NRXN3: variants seen among roughly 807,000 people sequenced by gnomAD.
The protein encoded by NRXN3 is neurexin III.
A neutral mutation model predicts 137.6 loss-of-function variants in NRXN3; 32 were observed. The ratio of observed to expected loss-of-function variants is 0.23; its 90% CI spans 0.18 to 0.31. The LOEUF (loss-of-function observed/expected upper bound fraction) is 0.31, where lower values mean the gene tolerates loss of function less well. NRXN3 is among the 10% of genes least tolerant of loss of function. NRXN3 has a pLI of 1.00. For missense variants in NRXN3, 1,574 were observed against 2,062.5 expected (o/e 0.76, Z 4.59); for synonymous variants, 798 against 784.5 (o/e 1.02, Z -0.29).
Position 78,314,887 on chromosome 14 carries a change from T to TTC in NRXN3, c.757+17029_757+17030dup, listed in dbSNP as rs1441781280. On this transcript the variant is annotated intron_variant, in intron 4 of 20. Transcript: ENST00000335750. ...TGTATTTTTCTTTTCCGTTCTTTCT[T>TTC]TCTTTCTCTTTCTTTCTTTCTTTCT... Among the ~76,000 whole-genome samples the TTC allele has an allele frequency of 2.3e-3, 205 of 89,684 alleles. 2 individuals carry two copies. Among genetic ancestry groups the TTC allele is most frequent in the African/African-American group, 9.5e-3 (194 of 20,416 alleles). 58.8% of individuals were successfully genotyped at this position (89,684 alleles called of 152,430 possible). A position where few individuals can be genotyped will look rare whatever the true frequency, so the allele number is the denominator to read the frequency against.
chr14:78,510,926 T>G (rs1024471475), intron 4 of NRXN3, among the ~76,000 whole-genome samples: 2 of 152,184 alleles, frequency 1.3e-5, no homozygotes, highest in Non-Finnish European at 2.9e-5. Context: ...TTGTATGTGT[T>G]TGAATTCTTT....
intron 10 of NRXN3, among the ~76,000 whole-genome samples, chr14:78,900,132 T>C (rs2099190732): frequency 6.6e-6 from 1 of 152,054 alleles, no homozygotes; most frequent in Non-Finnish European, 1.5e-5. Context: ...TCTATGCCCA[T>C]TTCCATTTTT....
At chr14:79,748,422 T>C (rs2098986260) in intron 19 of NRXN3, among the ~76,000 whole-genome samples, 1 of 152,062 alleles carries the variant, frequency 6.6e-6, no homozygotes, top group Non-Finnish European at 1.5e-5. Flanking sequence ...CGGTTGACAT[T>C]GGAAGAGCAA....
chr14:78,752,159 C>G (rs2098645917), intron 8 of NRXN3, among the ~76,000 whole-genome samples: 1 of 152,242 alleles, frequency 6.6e-6, no homozygotes, highest in African/African-American at 2.4e-5. Flanking sequence ...AATCCCAGCA[C>G]TTTGGGAGGC....
chr14:79,849,812 G>A (rs2099388006), intron 20 of NRXN3, among the ~76,000 whole-genome samples: 1 of 152,114 alleles, frequency 6.6e-6, no homozygotes, highest in African/African-American at 2.4e-5. Flanking sequence ...CATGTTCATT[G>A]CAGCATTACT....
At chr14:78,762,018 C>T (rs1473174867) in intron 8 of NRXN3, among the ~76,000 whole-genome samples, 1 of 152,180 alleles carries the variant, frequency 6.6e-6, no homozygotes, top group African/African-American at 2.4e-5. Flanking sequence ...GATTCATTTA[C>T]TCACCTTGGG....
intron 19 of NRXN3, among the ~76,000 whole-genome samples, chr14:79,786,356 T>C (rs1407182376): frequency 1.3e-5 from 2 of 152,182 alleles, no homozygotes; most frequent in African/African-American, 4.8e-5. Context: ...TTTTATGATA[T>C]AAATAGAGAT....
At chr14:78,928,046 C>T (rs2099310985) in intron 10 of NRXN3, among the ~76,000 whole-genome samples, 1 of 152,148 alleles carries the variant, frequency 6.6e-6, no homozygotes, top group Admixed American at 6.5e-5. Context: ...ACATATTCCA[C>T]AATCTCTCAG....
chr14:79,112,218 G>A (rs1459105165), intron 15 of NRXN3, among the ~76,000 whole-genome samples: 2 of 152,170 alleles, frequency 1.3e-5, no homozygotes, highest in South Asian at 2.1e-4. Context: ...ACCCTTTGCA[G>A]AACTAGCCCT....
intron 19 of NRXN3, among the ~76,000 whole-genome samples, chr14:79,769,025 A>C (rs377158119): frequency 1.3e-5 from 2 of 151,976 alleles, no homozygotes; most frequent in Non-Finnish European, 2.9e-5. Flanking sequence ...GGGTATCAGC[A>C]ATGGAAGATG....
At chr14:79,161,323 T>C (rs999103518) in intron 15 of NRXN3, among the ~76,000 whole-genome samples, 4 of 151,948 alleles carry the variant, frequency 2.6e-5, no homozygotes, top group African/African-American at 9.7e-5. Flanking sequence ...GAGAAGTTTA[T>C]ACTCACTTCC....
chr14:78,603,998 G>T (rs1373107834), intron 4 of NRXN3, among the ~76,000 whole-genome samples: 1 of 152,192 alleles, frequency 6.6e-6, no homozygotes, highest in Non-Finnish European at 1.5e-5. Context: ...TGGACTCACA[G>T]TTCCACTTGG....
At chr14:79,607,749 T>G (rs1435140126) in intron 16 of NRXN3, among the ~76,000 whole-genome samples, 1 of 150,950 alleles carries the variant, frequency 6.6e-6, no homozygotes. Flanking sequence ...CTTGGCTCAC[T>G]GTAACCTCCC....
intron 19 of NRXN3, among the ~76,000 whole-genome samples, chr14:79,748,506 C>T (rs1161791513): frequency 1.3e-5 from 2 of 152,040 alleles, no homozygotes; most frequent in Non-Finnish European, 2.9e-5. Context: ...TGGTCATTTC[C>T]CCTAATACAC....
chr14:78,495,658 A>G (rs2095766157), intron 4 of NRXN3, among the ~76,000 whole-genome samples: 1 of 152,208 alleles, frequency 6.6e-6, no homozygotes, highest in African/African-American at 2.4e-5. Flanking sequence ...ATTAGGGACC[A>G]GGAATATGCC....
At chr14:79,832,387 C>G (rs564344925) in intron 20 of NRXN3, among the ~76,000 whole-genome samples, 1 of 152,296 alleles carries the variant, frequency 6.6e-6, no homozygotes, top group Admixed American at 6.5e-5. Context: ...GAGTCGAGCC[C>G]TGGCTCAATA....
intron 1 of NRXN3, among the ~76,000 whole-genome samples, chr14:78,185,638 G>T (rs2060167737): frequency 6.6e-6 from 1 of 152,198 alleles, no homozygotes; most frequent in South Asian, 2.1e-4. Flanking sequence ...CCTCAGCTTT[G>T]GGTCAGTTAG....
chr14:78,933,801 T>C (rs1464068309), intron 10 of NRXN3, among the ~76,000 whole-genome samples: 1 of 152,142 alleles, frequency 6.6e-6, no homozygotes, highest in African/African-American at 2.4e-5. Flanking sequence ...TCTCTGAGCA[T>C]TTTTGAAAAA....
intron 15 of NRXN3, among the ~76,000 whole-genome samples, chr14:79,228,290 G>A (rs2071444436): frequency 6.6e-6 from 1 of 152,018 alleles, no homozygotes; most frequent in Admixed American, 6.6e-5. Context: ...ATTCTTAGGG[G>A]CAGGGAGGAG....
Sources: allele counts gnomAD v4.1 joint callset (sites outside exome capture counted in the v4.1 genomes callset), GRCh38; gene constraint gnomAD v4.1.1; transcripts MANE v1.5; gene names NCBI Gene and HGNC (gene_info 2026-07-23, HGNC 2026-07-21).